Variants in ADAMTS7 observed in about 807,000 individuals in gnomAD.
The protein encoded by ADAMTS7 is ADAM metallopeptidase with thrombospondin type 1 motif 7, also known as A disintegrin and metalloproteinase with thrombospondin motifs 7.
ADAMTS7 carries 89 observed loss-of-function variants against 172.6 expected under a neutral mutation model. That is an observed-to-expected ratio of 0.52 (90% CI 0.43 to 0.61). The LOEUF is 0.61. Ranked by LOEUF, ADAMTS7 falls within the 20% of genes least tolerant of loss-of-function variation. ADAMTS7 has a pLI of 0.00. For missense variants in ADAMTS7, 1,973 were observed against 2,355.6 expected (o/e 0.84, Z 3.36); for synonymous variants, 885 against 978.4 (o/e 0.90, Z 1.78).
At chr15:78,788,912 C>G (rs557305869) in intron 7 of ADAMTS7, among the ~76,000 whole-genome samples, 6 of 152,370 alleles carry the variant, frequency 3.9e-5, no homozygotes, top group African/African-American at 1.4e-4. Context: ...AACACAATCT[C>G]ACTCAGTTCT....
chr15:78,811,148 C>T lies in ADAMTS7; in HGVS notation c.73G>A (p.Ala25Thr). 2 of 1,230,248 alleles carry T rather than the reference C, an allele frequency of 1.6e-6. No homozygotes were observed. Among genetic ancestry groups the T allele is most frequent in the South Asian group, 8.2e-5 (2 of 24,310 alleles). The allele number at this position is 1,230,248 out of a possible 1,614,324, so 76.2% of individuals were successfully genotyped here. The change falls in exon 1 of 24, where the codon GCT becomes ACT. Residue 25 changes from alanine (A) to threonine (T), a missense_variant. Ala to Thr is a moderately conservative substitution (Grantham distance 58, BLOSUM62 0). Around this residue, in one of 8 missense-constraint regions of ADAMTS7, gnomAD observed 306 missense variants for 288.0 expected, o/e 1.06. Transcript: ENST00000388820. ...RPLLLLLCALAPGAPGPAPGR... is the reference protein window; with the variant it reads ...RPLLLLLCALTPGAPGPAPGR... ...GGTGCGGGTCCGGGGGCGCCGGGAG[C>T]CAGAGCGCAGAGGAGCAGGAGGAGG...
chr15:78,779,274 G>A (rs542448884), intron 8 of ADAMTS7, among the ~76,000 whole-genome samples: 39 of 152,306 alleles, frequency 2.6e-4, no homozygotes, highest in Non-Finnish European at 3.1e-4. Flanking sequence ...CTGGTCCAGG[G>A]TGCTGGGGGC....
rs184659738 is a variant in ADAMTS7 at position 78,759,374 on chromosome 15, G to T, written c.*47C>A. 1 of 1,530,906 alleles carries T rather than the reference G, an allele frequency of 6.5e-7. No homozygotes were observed. Among genetic ancestry groups the T allele is most frequent in the South Asian group, 1.2e-5 (1 of 81,028 alleles). 94.8% of individuals were successfully genotyped at this position (1,530,906 alleles called of 1,614,324 possible). Reference sequence around the variant, plus strand: ...GGGGGCGGGAGCTCCGCCACAGCCCGTGGTGGGCACTGAGGTCTGTCGGTC... The same window carrying T: ...GGGGGCGGGAGCTCCGCCACAGCCCTTGGTGGGCACTGAGGTCTGTCGGTC... On this transcript the variant is annotated 3_prime_UTR_variant, in exon 24 of 24. Coordinates refer to ENST00000388820, the MANE Select transcript of ADAMTS7 (RefSeq NM_014272.5).
At chr15:78,763,156 A>T (rs2055077380) in intron 22 of ADAMTS7, among the ~76,000 whole-genome samples, 1 of 152,152 alleles carries the variant, frequency 6.6e-6, no homozygotes. Context: ...AGATGAGAAA[A>T]CAGTGACCCA....
rs1437736181 is a variant in ADAMTS7, at chr15:78,811,422, C to T, written c.-202G>A. On this transcript the variant is annotated 5_prime_UTR_variant, in exon 1 of 24. Transcript: ENST00000388820. ...CCCGCCCCCTTGGCCGCTGCAGAGG[C>T]AAAGAAAAGACAAGAGAGCTAGAAG... The T allele has an allele frequency of 2.4e-6, 1 of 412,142 alleles. No individual in the cohort carries two copies. The highest frequency in any genetic ancestry group is 4.0e-5 in the East Asian group (1 of 25,152). 25.5% of individuals were successfully genotyped at this position (412,142 alleles called of 1,614,324 possible).
chr15:78,797,237 A>G (rs535967936), intron 3 of ADAMTS7, among the ~76,000 whole-genome samples: 1 of 152,324 alleles, frequency 6.6e-6, no homozygotes, highest in Admixed American at 6.5e-5. Flanking sequence ...GACCCAGCCC[A>G]GCTTGCCCTA....
chr15:78,793,358 T>G (rs919472818), intron 4 of ADAMTS7, among the ~76,000 whole-genome samples: 1 of 151,928 alleles, frequency 6.6e-6, no homozygotes, highest in African/African-American at 2.4e-5. Context: ...TTACCTTTTT[T>G]TTTTTTTTCT....
At position 78,774,722 on chromosome 15, in the gene ADAMTS7, G is replaced by A. The variant is rs756441638; in HGVS notation, c.1778C>T (p.Pro593Leu). ...RFRLCNLQAC[P>L]AGRPSFRHVQ... The stretch of plus-strand genomic sequence containing the variant: ...GTGGCGGAAGGAGGGGCGGCCAGCA[G>A]GGCAGGCCTGCAGGTTGCAGAGGCG... Residue 593 changes from proline to leucine, a missense_variant, in exon 12 of 24, where the codon CCT becomes CTT. By Grantham distance (98) the Pro-to-Leu change is moderately conservative. Coordinates refer to ENST00000388820, the MANE Select transcript of ADAMTS7 (RefSeq NM_014272.5). 4.3e-5 allele frequency: 69 copies of A among 1,611,610 alleles called. 1 individual carries two copies. In the South Asian group the frequency reaches 7.5e-4, roughly 17 times the overall value.
intron 16 of ADAMTS7, chr15:78,770,867 C>T (rs1248214348): frequency 4.7e-6 from 2 of 424,884 alleles, no homozygotes; most frequent in African/African-American, 2.0e-5. Context: ...TGGTGAGGGG[C>T]CACTGGACTG....
intron 4 of ADAMTS7, among the ~76,000 whole-genome samples, chr15:78,793,628 T>C (rs143666235): frequency 1.6e-4 from 24 of 152,308 alleles, no homozygotes; most frequent in Non-Finnish European, 3.2e-4. Context: ...CTCCCTGAAA[T>C]ATTCCTTGGG....
At chr15:78,793,340 A>T (rs2055604733) in intron 4 of ADAMTS7, among the ~76,000 whole-genome samples, 1 of 147,866 alleles carries the variant, frequency 6.8e-6, no homozygotes. Flanking sequence ...GTAGTAACGA[A>T]GTCTGTTTTA....
rs1596197616 is a variant in ADAMTS7, at chr15:78,796,664, C to T, written c.745G>A (p.Val249Ile). 8.1e-6 allele frequency: 13 copies of T among 1,614,160 alleles called. No individual in the cohort carries two copies. Among genetic ancestry groups the T allele is most frequent in the Non-Finnish European group, 1.1e-5 (13 of 1,180,024 alleles). Residue 249 changes from valine (V) to isoleucine (I), a missense_variant, in exon 4 of 24, where the codon GTA becomes ATA. Around this residue, in one of 8 missense-constraint regions of ADAMTS7, gnomAD observed 526 missense variants for 662.9 expected, o/e 0.79. Coordinates refer to ENST00000388820, the MANE Select transcript of ADAMTS7 (RefSeq NM_014272.5). ...TACTCCACCATTTTGGCATCAGCTA[C>T]TACCAGGGTCTCCACCCACTTCTCT... is the stretch of plus-strand genomic sequence containing the variant. ...SKEKWVETLV[V>I]ADAKMVEYHG...
Position 78,792,767 on chromosome 15 carries a change from T to C in ADAMTS7, c.820-1544A>G, listed in dbSNP as rs1234188319. On this transcript the variant is annotated intron_variant, in intron 4 of 23. Transcript: ENST00000388820. ...AGGCAGAGGCTGCAGTGAGCTGAGA[T>C]TGCACCACTGCACTCCGACCTGGGC... Among the ~76,000 whole-genome samples the C allele has an allele frequency of 3.3e-5, 5 of 151,764 alleles. No individual in the cohort carries two copies. In the East Asian group the frequency reaches 9.7e-4, roughly 29 times the overall value.
chr15:78,763,893 TC>T, intron 21 of ADAMTS7, 32 bp downstream of exon 21: 1 of 1,564,284 alleles, frequency 6.4e-7, no homozygotes, highest in Non-Finnish European at 8.6e-7. Flanking sequence ...TCTGAGGGCG[TC>T]CCCTCCCCCC....
chr15:78,768,073 G>T, intron 17 of ADAMTS7, 60 bp downstream of exon 17: 1 of 1,068,576 alleles, frequency 9.4e-7, no homozygotes, highest in Non-Finnish European at 1.3e-6. Flanking sequence ...GCGGGGGATG[G>T]GGGTGGGGAG....
intron 2 of ADAMTS7, among the ~76,000 whole-genome samples, chr15:78,799,777 A>T (rs1484442211): frequency 2.6e-5 from 4 of 152,048 alleles, no homozygotes; most frequent in Non-Finnish European, 5.9e-5. Flanking sequence ...AATTCTGTTT[A>T]AACAGGGCCT....
chr15:78,760,650 A>G (rs1596167922), intron 23 of ADAMTS7, among the ~76,000 whole-genome samples: 1 of 152,096 alleles, frequency 6.6e-6, no homozygotes, highest in African/African-American at 2.4e-5. Context: ...CACTGCAGTG[A>G]GCACACACAC....
At position 78,759,449 on chromosome 15, in the gene ADAMTS7, C is replaced by T. The variant is rs184931184; in HGVS notation, c.5033G>A (p.Arg1678Gln). The change falls in exon 24 of 24, where the codon CGA (arginine) becomes CAA (glutamine). Residue 1678 changes from arginine to glutamine, a missense_variant. Arg to Gln is a conservative substitution (Grantham distance 43, BLOSUM62 1). Transcript: ENST00000388820. ...GCGGCGGGCAACCCGCTGATGGCCT[C>T]GGGAGGGGGCGCCGTGGCTGGGCGG... ...CSPPSHGAPS[R>Q]GHQRVARR is the part of the protein sequence containing the mutation. The T allele has an allele frequency of 1.7e-4, 267 of 1,595,524 alleles. 1 individual carries two copies. In the East Asian group the frequency reaches 4.7e-3, roughly 28 times the overall value.
rs143506661 is a variant in ADAMTS7, at chr15:78,796,730, G to T, written c.679C>A (p.Arg227=). 4.7e-5 allele frequency: 76 copies of T among 1,610,678 alleles called. No homozygotes were observed. The highest frequency in any genetic ancestry group is 6.7e-5 in the Admixed American group (4 of 59,986). ...ERWEQRQQWR[R]PRLRRLHQRS... ...TGGTGTAGACGCCTCAGCCGTGGCC[G>T]CCGCCACTGCTGCCGCTGCTCCCAA... is the stretch of plus-strand genomic sequence containing the variant. The change falls in exon 4 of 24, where the codon CGG becomes AGG. Residue 227 remains arginine (R), a synonymous_variant. Coordinates refer to ENST00000388820, the MANE Select transcript of ADAMTS7 (RefSeq NM_014272.5).
Sources: gnomAD v4.1 joint callset for allele counts (sites outside exome capture counted in the v4.1 genomes callset) on GRCh38, gnomAD v4.1.1 for gene constraint, gnomAD v4.1.1 regional missense constraint, MANE v1.5 for transcripts, NCBI Gene and HGNC (gene_info 2026-07-23, HGNC 2026-07-21) for gene names.